Variants in ATP8A2 observed in about 807,000 individuals in gnomAD.
ATP8A2 encodes phospholipid-transporting ATPase IB.
ATP8A2 carries 100 observed loss-of-function variants against 165.6 expected under a neutral mutation model. The ratio of observed to expected loss-of-function variants is 0.60; its 90% CI spans 0.51 to 0.71. The LOEUF is 0.71. ATP8A2 is among the 30% of genes least tolerant of loss of function. ATP8A2 has a pLI of 0.00. For synonymous variants in ATP8A2, 543 were observed against 548.8 expected, an observed-to-expected ratio of 0.99 and a Z score of 0.15; for missense variants, 1,227 against 1,479.5, an observed-to-expected ratio of 0.83 and a Z score of 2.80.
chr13:25,489,137 G>A (rs895602022), intron 2 of ATP8A2, among the ~76,000 whole-genome samples: 20 of 151,996 alleles, frequency 1.3e-4, no homozygotes, highest in Admixed American at 7.9e-4. Context: ...GGTGGTTATC[G>A]TTCTAAAACA....
At chr13:25,882,387 A>T (rs561396962) in intron 33 of ATP8A2, among the ~76,000 whole-genome samples, 3 of 152,354 alleles carry the variant, frequency 2.0e-5, no homozygotes, top group African/African-American at 7.2e-5. Flanking sequence ...CCAGGGGGTT[A>T]CAATGAGTAG....
At chr13:25,702,478 T>C (rs571278806) in intron 25 of ATP8A2, among the ~76,000 whole-genome samples, 1 of 152,232 alleles carries the variant, frequency 6.6e-6, no homozygotes, top group Non-Finnish European at 1.5e-5. Flanking sequence ...ATTTACTTTG[T>C]ATCTGGCAGG....
At chr13:25,697,735 A>G (rs1242721908) in intron 24 of ATP8A2, among the ~76,000 whole-genome samples, 1 of 152,224 alleles carries the variant, frequency 6.6e-6, no homozygotes, top group African/African-American at 2.4e-5. Context: ...GCTCCTTTTT[A>G]CACATAAGAA....
intron 24 of ATP8A2, among the ~76,000 whole-genome samples, chr13:25,632,942 A>G (rs2041279197): frequency 1.3e-5 from 2 of 152,190 alleles, no homozygotes; most frequent in African/African-American, 4.8e-5. Context: ...TCTGTTTGCC[A>G]CCAATAGTTT....
chr13:25,607,573 A>G (rs1442349110), intron 24 of ATP8A2, among the ~76,000 whole-genome samples: 1 of 152,184 alleles, frequency 6.6e-6, no homozygotes, highest in Non-Finnish European at 1.5e-5. Flanking sequence ...ATGGCCCACA[A>G]ATTGTAACAT....
At chr13:25,589,722 A>G in intron 24 of ATP8A2, 23 bp downstream of exon 24, 1 of 1,488,870 alleles carries the variant, frequency 6.7e-7, no homozygotes, top group East Asian at 2.3e-5. Flanking sequence ...TCAAAGTTGT[A>G]TTTGCTTTGC....
intron 24 of ATP8A2, among the ~76,000 whole-genome samples, chr13:25,634,444 C>T (rs2041321608): frequency 6.6e-6 from 1 of 152,162 alleles, no homozygotes; most frequent in African/African-American, 2.4e-5. Flanking sequence ...ATAAAGTGCT[C>T]ATTCAGAAAT....
chr13:25,902,094 G>T (rs1229895633), intron 33 of ATP8A2, among the ~76,000 whole-genome samples: 4 of 152,138 alleles, frequency 2.6e-5, no homozygotes. Context: ...AGTGGAATAG[G>T]GGTATGGGGT....
intron 1 of ATP8A2, among the ~76,000 whole-genome samples, chr13:25,466,090 G>GA (rs1379722660): frequency 6.6e-6 from 1 of 152,092 alleles, no homozygotes; most frequent in African/African-American, 2.4e-5. Context: ...ATCACTGCCA[G>GA]ATGCTCTTCT....
chr13:25,476,825 G>A (rs957930204), intron 2 of ATP8A2, among the ~76,000 whole-genome samples: 2 of 152,138 alleles, frequency 1.3e-5, no homozygotes, highest in East Asian at 1.9e-4. Context: ...CTTTCTGAAC[G>A]TGAATGGCAC....
intron 24 of ATP8A2, among the ~76,000 whole-genome samples, chr13:25,601,334 G>A (rs974171790): frequency 1.3e-5 from 2 of 152,238 alleles, no homozygotes; most frequent in African/African-American, 2.4e-5. Context: ...AATATGCATA[G>A]GCATAATGTC....
intron 27 of ATP8A2, among the ~76,000 whole-genome samples, chr13:25,796,592 G>A (rs1950503086): frequency 6.6e-6 from 1 of 152,158 alleles, no homozygotes; most frequent in Admixed American, 6.5e-5. Flanking sequence ...AACAGGCCTA[G>A]CTTCCTAAAG....
intron 25 of ATP8A2, among the ~76,000 whole-genome samples, chr13:25,747,142 C>T (rs1467422729): frequency 3.9e-5 from 6 of 152,132 alleles, no homozygotes; most frequent in Non-Finnish European, 2.9e-5. Context: ...TTTTGTTTTC[C>T]TGTATACATA....
chr13:25,859,567 AAAAAAAAAAGG>A (rs1274175271), intron 30 of ATP8A2, among the ~76,000 whole-genome samples: 1 of 150,218 alleles, frequency 6.7e-6, no homozygotes, highest in Non-Finnish European at 1.5e-5. Context: ...TGAAAAGAAA[AAAAAAAAAAGG>A]AAAATATAGG....
At chr13:25,544,390 T>C (rs1223315214) in intron 10 of ATP8A2, among the ~76,000 whole-genome samples, 1 of 152,230 alleles carries the variant, frequency 6.6e-6, no homozygotes, top group Non-Finnish European at 1.5e-5. Flanking sequence ...GACTGTTGTG[T>C]TGGTCTCCTC....
At chr13:25,923,070 T>C (rs1362304053) in intron 33 of ATP8A2, among the ~76,000 whole-genome samples, 2 of 152,150 alleles carry the variant, frequency 1.3e-5, no homozygotes, top group Non-Finnish European at 2.9e-5. Flanking sequence ...CTGTTTACTT[T>C]AGAAAGCAAA....
Position 25,372,158 on chromosome 13 carries a change from C to T in ATP8A2, c.-55C>T, listed in dbSNP as rs2032422111. ...CGGGCGGCGGCCCCTGCGCCCAGCCCTGCGCGTAGCCTCCGTCTCTCGCCC... is the reference window on the plus strand; with the variant it reads ...CGGGCGGCGGCCCCTGCGCCCAGCCTTGCGCGTAGCCTCCGTCTCTCGCCC... On this transcript the variant is annotated 5_prime_UTR_variant, in exon 1 of 37. Coordinates refer to ENST00000381655, the MANE Select transcript of ATP8A2 (RefSeq NM_016529.6). The surrounding 1 kb of genome is among the most constrained non-coding windows in gnomAD (Gnocchi z 4.8). 1 of 1,312,170 alleles carries T rather than the reference C, an allele frequency of 7.6e-7. No individual in the cohort carries two copies. Among genetic ancestry groups the T allele is most frequent in the Non-Finnish European group, 1.0e-6 (1 of 999,086 alleles). 81.3% of individuals were successfully genotyped at this position (1,312,170 alleles called of 1,614,324 possible).
At chr13:25,979,146 A>C (rs1344630534) in intron 35 of ATP8A2, among the ~76,000 whole-genome samples, 1 of 152,190 alleles carries the variant, frequency 6.6e-6, no homozygotes, top group Non-Finnish European at 1.5e-5. Flanking sequence ...AAGCCAGTCA[A>C]GGTCCAGTTA....
At chr13:25,457,982 C>T (rs2035408092) in intron 1 of ATP8A2, among the ~76,000 whole-genome samples, 1 of 152,176 alleles carries the variant, frequency 6.6e-6, no homozygotes, top group Admixed American at 6.5e-5. Context: ...GGAAGTAGAG[C>T]ATTGGGTTCA....
Sources: allele counts gnomAD v4.1 joint callset (sites outside exome capture counted in the v4.1 genomes callset), GRCh38; gene constraint gnomAD v4.1.1; non-coding constraint Gnocchi (gnomAD v3.1); transcripts MANE v1.5; gene names NCBI Gene and HGNC (gene_info 2026-07-23, HGNC 2026-07-21).